GCNT2: variants seen among roughly 807,000 people sequenced by gnomAD.
GCNT2 encodes glucosaminyl (N-acetyl) transferase 2 (I blood group).
In GCNT2, 34 loss-of-function variants were observed where a neutral mutation model predicts 34.2. That is an observed-to-expected ratio of 1.00 (90% confidence interval 0.76 to 1.32). The LOEUF is 1.32. GCNT2 is among the 40% of genes most tolerant of loss of function. The probability of loss-of-function intolerance (pLI) is 0.00; values close to 1 mark genes in which losing one functional copy is unlikely to be tolerated. For synonymous variants in GCNT2, 212 were observed against 188.0 expected (o/e 1.13, Z -1.04); for missense variants, 584 against 489.4 (o/e 1.19, Z -1.82).
chr6:10,556,673 G>A (rs139460142), intron 3 of GCNT2: 15 of 1,613,970 alleles, frequency 9.3e-6, no homozygotes, highest in East Asian at 2.2e-5. Flanking sequence ...CTACATCACA[G>A]CCCCTTTATC....
chr6:10,579,294 C>A (rs1456914534), intron 3 of GCNT2, among the ~76,000 whole-genome samples: 18 of 152,088 alleles, frequency 1.2e-4, no homozygotes. Flanking sequence ...AATGAAAAAA[C>A]CCACTATATT....
chr6:10,556,982 A>C (rs1326714332), intron 3 of GCNT2: 6 of 1,613,998 alleles, frequency 3.7e-6, no homozygotes, highest in Non-Finnish European at 4.2e-6. Flanking sequence ...GTACGTTATC[A>C]ACACCTGTGG....
chr6:10,549,216 A>T (rs1376935632), intron 3 of GCNT2, among the ~76,000 whole-genome samples: 11 of 152,180 alleles, frequency 7.2e-5, no homozygotes, highest in Admixed American at 6.5e-4. Flanking sequence ...TCAGCCCAAA[A>T]TGCCAATAGT....
chr6:10,582,721 C>CT lies in GCNT2; in HGVS notation c.926-38621dup, dbSNP rs199898672. Among the ~76,000 whole-genome samples, 549 of 140,134 alleles carry CT rather than the reference C, an allele frequency of 3.9e-3. 3 individuals are homozygous for CT. Among genetic ancestry groups the CT allele is most frequent in the African/African-American group, 9.4e-3 (337 of 36,034 alleles). The allele number at this position is 140,134 out of a possible 152,430, so 91.9% of individuals were successfully genotyped here. A position where few individuals can be genotyped will look rare whatever the true frequency, so the allele number is the denominator to read the frequency against. ...GCATTTGAAAACCTTAAGGTAAATGCTTTTTTTTTCCATTACTAAGAACAG... is the reference window on the plus strand; with the variant it reads ...GCATTTGAAAACCTTAAGGTAAATGCTTTTTTTTTTCCATTACTAAGAACAG... On this transcript the variant is annotated intron_variant, in intron 3 of 4. Coordinates refer to ENST00000495262, the MANE Select transcript of GCNT2 (RefSeq NM_145649.5).
intron 3 of GCNT2, among the ~76,000 whole-genome samples, chr6:10,584,646 C>CTCTA: frequency 6.6e-6 from 1 of 152,320 alleles, no homozygotes; most frequent in African/African-American, 2.4e-5. Context: ...TGCATTGTGT[C>CTCTA]TCTAGTTAAT....
At chr6:10,557,155 A>C (rs775131144) in intron 3 of GCNT2, 1 of 1,550,238 alleles carries the variant, frequency 6.5e-7, no homozygotes, top group African/African-American at 1.4e-5. Flanking sequence ...ATGTGATAAG[A>C]ACAACAGCGT....
chr6:10,607,098 C>T (rs915362688), intron 3 of GCNT2, among the ~76,000 whole-genome samples: 4 of 152,066 alleles, frequency 2.6e-5, no homozygotes, highest in African/African-American at 9.7e-5. Flanking sequence ...AGGGGTGCAC[C>T]ACCACACCCA....
chr6:10,617,750 CTTTTTTTT>C (rs3064178), intron 3 of GCNT2, among the ~76,000 whole-genome samples: 5 of 101,696 alleles, frequency 4.9e-5, no homozygotes, highest in African/African-American at 2.0e-4. Flanking sequence ...TGCATTTCTT[CTTTTTTTT>C]TTTTTTTTTT....
intron 3 of GCNT2, among the ~76,000 whole-genome samples, chr6:10,569,861 CTT>C (rs1356959945): frequency 1.7e-5 from 2 of 114,744 alleles, no homozygotes; most frequent in Non-Finnish European, 4.4e-5. Flanking sequence ...CTTTCTTTCT[CTT>C]TCTTTCTTTC....
chr6:10,574,813 T>C (rs1180246462), intron 3 of GCNT2: 2 of 632,398 alleles, frequency 3.2e-6, no homozygotes, highest in East Asian at 3.2e-5. Flanking sequence ...TCTCATAAAG[T>C]GTGCTACTCT....
rs548580728 is a variant in GCNT2, at chr6:10,626,737, C to T, written c.*130C>T. The T allele has an allele frequency of 6.9e-5, 48 of 693,450 alleles. No individual in the cohort carries two copies. The highest frequency in any genetic ancestry group is 3.6e-4 in the Admixed American group (17 of 46,668). The allele number at this position is 693,450 out of a possible 1,614,324, so 43.0% of individuals were successfully genotyped here. ...CGTTTATAGCTTCAGGACCTGGCTA[C>T]GTAATTATACTTAAAATATCCACTG... On this transcript the variant is annotated 3_prime_UTR_variant, in exon 5 of 5. Transcript: ENST00000495262.
intron 4 of GCNT2, among the ~76,000 whole-genome samples, chr6:10,622,127 C>A (rs764962949): frequency 6.6e-6 from 1 of 152,156 alleles, no homozygotes; most frequent in Non-Finnish European, 1.5e-5. Context: ...AAGAAGGGTT[C>A]CCCTCCAAAT....
At chr6:10,585,925 C>T in intron 3 of GCNT2, 2 of 1,604,608 alleles carry the variant, frequency 1.2e-6, no homozygotes, top group Non-Finnish European at 8.5e-7. Context: ...CAAATTCAAC[C>T]TCTCACACCG....
intron 3 of GCNT2, chr6:10,556,888 A>G (rs1762737786): frequency 6.2e-7 from 1 of 1,614,124 alleles, no homozygotes; most frequent in Middle Eastern, 1.6e-4. Context: ...CCAAGATGGA[A>G]CCCGTTGTCT....
Position 10,537,727 on chromosome 6 carries a change from CA to C in GCNT2, c.925+7895del, listed in dbSNP as rs1462820060. ...AAAAAAAAAAAAAAAAAAAAAAAAA[CA>C]AAACAAAGAAAACGAAAGAAAATGC... On this transcript the variant is annotated intron_variant, in intron 3 of 4. Coordinates refer to ENST00000495262, the MANE Select transcript of GCNT2 (RefSeq NM_145649.5). Among the ~76,000 whole-genome samples the C allele has an allele frequency of 6.2e-5, 6 of 97,012 alleles. No homozygotes were observed. In the Admixed American group the frequency reaches 6.7e-4, roughly 11 times the overall value. The allele number at this position is 97,012 out of a possible 152,430, so 63.6% of individuals were successfully genotyped here. A position where few individuals can be genotyped will look rare whatever the true frequency, so the allele number is the denominator to read the frequency against.
chr6:10,563,998 T>C (rs1461904467), intron 3 of GCNT2, among the ~76,000 whole-genome samples: 1 of 152,034 alleles, frequency 6.6e-6, no homozygotes, highest in Non-Finnish European at 1.5e-5. Flanking sequence ...CTAAGTCTTA[T>C]TCAGCTTGCG....
At chr6:10,556,613 CTA>C in intron 3 of GCNT2, 1 of 1,614,118 alleles carries the variant, frequency 6.2e-7, no homozygotes, top group Non-Finnish European at 8.5e-7. Flanking sequence ...GAAAAACAAA[CTA>C]ATGATCCATG....
At chr6:10,617,339 C>G (rs1029223833) in intron 3 of GCNT2, among the ~76,000 whole-genome samples, 7 of 152,316 alleles carry the variant, frequency 4.6e-5, no homozygotes, top group Admixed American at 3.9e-4. Context: ...CACGCCCACC[C>G]GGAACTCACG....
chr6:10,525,840 C>G (rs1471633909), intron 1 of GCNT2, among the ~76,000 whole-genome samples: 1 of 152,064 alleles, frequency 6.6e-6, no homozygotes, highest in African/African-American at 2.4e-5. Context: ...GTTGTAAATT[C>G]GAAGAGCAGG....
Sources: gnomAD v4.1 joint callset for allele counts (sites outside exome capture counted in the v4.1 genomes callset) on GRCh38, gnomAD v4.1.1 for gene constraint, MANE v1.5 for transcripts, NCBI Gene and HGNC (gene_info 2026-07-23, HGNC 2026-07-21) for gene names.